The following LAMA3 variants were observed in gnomAD, a reference collection of about 807,000 sequenced individuals.
LAMA3 encodes laminin subunit alpha-3.
In LAMA3, 281 loss-of-function variants were observed where a neutral mutation model predicts 402.0. The ratio of observed to expected loss-of-function variants is 0.70; its 90% confidence interval spans 0.63 to 0.77. LAMA3 has a LOEUF of 0.77. Ranked by LOEUF, LAMA3 falls within the 30% of genes least tolerant of loss-of-function variation. The probability of loss-of-function intolerance (pLI) is 0.00; values close to 1 mark genes in which losing one functional copy is unlikely to be tolerated. For synonymous variants in LAMA3, 1,431 were observed against 1,558.4 expected (o/e 0.92, Z 1.93); for missense variants, 3,840 against 4,215.5 (o/e 0.91, Z 2.47).
At chr18:23,695,441 T>G (rs1255847445) in intron 1 of LAMA3, among the ~76,000 whole-genome samples, 2 of 151,926 alleles carry the variant, frequency 1.3e-5, no homozygotes, top group South Asian at 2.1e-4. Flanking sequence ...TGTGAGACTT[T>G]GCAACCTGAT....
intron 11 of LAMA3, among the ~76,000 whole-genome samples, chr18:23,781,437 T>G (rs978864398): frequency 6.6e-6 from 1 of 152,192 alleles, no homozygotes; most frequent in Non-Finnish European, 1.5e-5. Flanking sequence ...CTAAGACAGA[T>G]TAACAGTAAA....
intron 1 of LAMA3, among the ~76,000 whole-genome samples, chr18:23,694,043 C>G (rs1010710817): frequency 1.2e-4 from 18 of 152,148 alleles, no homozygotes; most frequent in Non-Finnish European, 1.5e-5. Flanking sequence ...GGTCATAGGA[C>G]ACTGATTAGA....
At chr18:23,799,655 T>C (rs2062831924) in intron 12 of LAMA3, among the ~76,000 whole-genome samples, 1 of 152,116 alleles carries the variant, frequency 6.6e-6, no homozygotes, top group African/African-American at 2.4e-5. Flanking sequence ...GACTTTCCTT[T>C]AGGGCAGAAA....
chr18:23,814,267 A>AT, intron 14 of LAMA3, 136 bp from the exon 15 acceptor site: 3 of 703,912 alleles, frequency 4.3e-6, no homozygotes, highest in Non-Finnish European at 5.2e-6. Context: ...TCAACCCAGT[A>AT]TTTTTTCCCC....
rs773730834 is a variant in LAMA3 at position 23,916,617 on chromosome 18, A to G, written c.7845A>G (p.Pro2615=). The change falls in exon 60 of 75, where the codon CCA becomes CCG. Residue 2615 remains proline (P), a synonymous_variant. Transcript: ENST00000313654. ...GCTATGCTCGAGTTCCAACTCAACC[A>G]CATGCTCCCATCCCAACCTTTGGAC... ...GTGYARVPTQ[P]HAPIPTFGQT... is the part of the protein sequence containing the mutation. 21 of 1,614,038 alleles carry G rather than the reference A, an allele frequency of 1.3e-5. No individual in the cohort carries two copies. The highest frequency in any genetic ancestry group is 3.3e-5 in the South Asian group (3 of 91,088).
rs368980268 is a variant in LAMA3 at position 23,894,662 on chromosome 18, A to G, written c.5462-245A>G. ...TGCAAGCATCCCATAGATGAAGGCT[A>G]TTATTATTTTCCTTATGTGTAAAGT... On this transcript the variant is annotated intron_variant, in intron 43 of 74. Coordinates refer to ENST00000313654, the MANE Select transcript of LAMA3 (RefSeq NM_198129.4). 4.6e-5 allele frequency among the ~76,000 whole-genome samples: 7 copies of G among 152,288 alleles called. No individual in the cohort carries two copies. In the South Asian group the frequency reaches 1.5e-3, roughly 32 times the overall value.
intron 7 of LAMA3, among the ~76,000 whole-genome samples, chr18:23,759,749 T>C (rs1260071432): frequency 6.6e-6 from 1 of 152,216 alleles, no homozygotes; most frequent in Non-Finnish European, 1.5e-5. Context: ...TGATCTCTTA[T>C]GGCCAGTAAA....
intron 62 of LAMA3, among the ~76,000 whole-genome samples, chr18:23,923,671 C>T (rs1190078859): frequency 2.0e-5 from 3 of 152,128 alleles, no homozygotes; most frequent in Non-Finnish European, 4.4e-5. Context: ...GGAGGCCAGT[C>T]TGGAGAAGGG....
chr18:23,889,725 AAAGG>A (rs1282150469), intron 41 of LAMA3, among the ~76,000 whole-genome samples: 5 of 120,620 alleles, frequency 4.1e-5, no homozygotes, highest in Non-Finnish European at 7.8e-5. Context: ...AGGAAGGAAG[AAAGG>A]AAGGAAAGGA....
chr18:23,781,927 C>CTT (rs2062446017), intron 11 of LAMA3, among the ~76,000 whole-genome samples: 1 of 152,088 alleles, frequency 6.6e-6, no homozygotes, highest in African/African-American at 2.4e-5. Flanking sequence ...AATTAGGCAA[C>CTT]TGTTTGGTTG....
intron 2 of LAMA3, among the ~76,000 whole-genome samples, chr18:23,722,601 A>G (rs936797684): frequency 1.3e-5 from 2 of 152,372 alleles, no homozygotes; most frequent in Admixed American, 6.5e-5. Context: ...CACCACAAAT[A>G]TAACAGACAT....
chr18:23,711,325 T>C (rs1303327155), intron 1 of LAMA3, among the ~76,000 whole-genome samples: 1 of 152,220 alleles, frequency 6.6e-6, no homozygotes, highest in African/African-American at 2.4e-5. Context: ...TTGATATATA[T>C]AGTTTTTAGT....
intron 8 of LAMA3, among the ~76,000 whole-genome samples, chr18:23,773,088 AGGT>A (rs1055141352): frequency 3.9e-5 from 6 of 152,246 alleles, no homozygotes; most frequent in African/African-American, 1.4e-4. Context: ...AAATTGGAGA[AGGT>A]GTAAATGCAC....
intron 9 of LAMA3, 82 bp from the exon 10 acceptor site, chr18:23,775,710 G>T: frequency 6.7e-7 from 1 of 1,495,518 alleles, no homozygotes; most frequent in Non-Finnish European, 9.3e-7. Flanking sequence ...AGTATGGAAC[G>T]TTGCCTGGGA....
intron 39 of LAMA3, among the ~76,000 whole-genome samples, chr18:23,880,216 G>A (rs2064851186): frequency 6.6e-6 from 1 of 152,146 alleles, no homozygotes; most frequent in Non-Finnish European, 1.5e-5. Context: ...AAGGAGTCTG[G>A]ACCCATAGTG....
chr18:23,876,305 T>A lies in LAMA3; in HGVS notation c.5010T>A (p.Pro1670=). The A allele has an allele frequency of 6.2e-7, 1 of 1,612,168 alleles. No individual in the cohort carries two copies. The highest frequency in any genetic ancestry group is 8.5e-7 in the Non-Finnish European group (1 of 1,178,146). The change falls in exon 39 of 75, where the codon CCT becomes CCA. Residue 1670 remains proline (P), a synonymous_variant. Transcript: ENST00000313654. The part of the protein sequence containing the change: ...YAGDSCQGCS[P]GYYRDHKGLY... ...TGTTTGAAAAATAGGGTTGTAGCCC[T>A]GGATACTATCGGGATCATAAAGGCT...
Position 23,815,457 on chromosome 18 carries a change from C to G in LAMA3, c.1942-11C>G, listed in dbSNP as rs753319276. On this transcript the variant is annotated splice_polypyrimidine_tract_variant and intron_variant, in intron 16 of 74. Coordinates refer to ENST00000313654, the MANE Select transcript of LAMA3 (RefSeq NM_198129.4). ...ATATCAAATGTTGTCATCTGGCTCACTGTTCTGCAGGGAGATGGTGACTGT... is the reference window on the plus strand; with the variant it reads ...ATATCAAATGTTGTCATCTGGCTCAGTGTTCTGCAGGGAGATGGTGACTGT... The G allele has an allele frequency of 1.2e-6, 2 of 1,606,342 alleles. No homozygotes were observed. The highest frequency in any genetic ancestry group is 3.3e-5 in the Admixed American group (2 of 59,992).
At position 23,944,018 on chromosome 18, in the gene LAMA3, C is replaced by T. The variant is rs775035948; in HGVS notation, c.9210+47C>T. 2.5e-6 allele frequency: 4 copies of T among 1,573,528 alleles called. No homozygotes were observed. In the South Asian group the frequency reaches 4.5e-5, roughly 18 times the overall value. On this transcript the variant is annotated intron_variant, in intron 69 of 74. Transcript: ENST00000313654. ...GTATCTCCAGTTGGTGTGGAATTCA[C>T]TGTTGGAGTCGCTGAAAATAGGAGT...
chr18:23,898,838 T>C lies in LAMA3; in HGVS notation c.5714T>C (p.Leu1905Ser). 2 of 1,604,726 alleles carry C rather than the reference T, an allele frequency of 1.2e-6. No individual in the cohort carries two copies. Residue 1905 changes from leucine (L) to serine (S), a missense_variant, in exon 45 of 75, where the codon TTG becomes TCG. This residue lies in a region of LAMA3 where 891 missense variants were observed against 857.5 expected (regional missense o/e 1.04). Transcript: ENST00000313654. ...LTDLNQEFET[L>S]QEKAQVNSRK... ...GATTTGAATCAAGAATTTGAGACTT[T>C]GCAAGAAAAGGTAATGTGTTAGGTC...
Sources: gnomAD v4.1 joint callset for allele counts (sites outside exome capture counted in the v4.1 genomes callset) on GRCh38, gnomAD v4.1.1 for gene constraint, gnomAD v4.1.1 regional missense constraint, MANE v1.5 for transcripts, NCBI Gene and HGNC (gene_info 2026-07-23, HGNC 2026-07-21) for gene names.